The following PXK variants were observed in gnomAD, a reference collection of about 807,000 sequenced individuals.
PXK encodes PX domain containing serine/threonine kinase like.
A neutral mutation model predicts 84.7 loss-of-function variants in PXK; 35 were observed. The ratio of observed to expected loss-of-function variants is 0.41; its 90% CI spans 0.32 to 0.55. The LOEUF is 0.55. Ranked by LOEUF, PXK falls within the 20% of genes least tolerant of loss-of-function variation. The pLI, the probability that PXK is intolerant of heterozygous loss-of-function variation, is 0.21. For missense variants in PXK, 634 were observed against 699.7 expected (o/e 0.91, Z 1.06); for synonymous variants, 253 against 260.8 (o/e 0.97, Z 0.29).
chr3:58,382,506 T>TG lies in PXK; in HGVS notation c.202-8_202-7insG, dbSNP rs2098512954. 1 of 1,519,508 alleles carries TG rather than the reference T, an allele frequency of 6.6e-7. No homozygotes were observed. The highest frequency in any genetic ancestry group is 1.3e-5 in the South Asian group (1 of 75,830). The allele number at this position is 1,519,508 out of a possible 1,614,324, so 94.1% of individuals were successfully genotyped here. A position where few individuals can be genotyped will look rare whatever the true frequency, so the allele number is the denominator to read the frequency against. On this transcript the variant is annotated splice_polypyrimidine_tract_variant and splice_region_variant and intron_variant, in intron 3 of 17. Coordinates refer to ENST00000356151, the MANE Select transcript of PXK (RefSeq NM_017771.5). ...CATGAGTGTAACTTTTTTTTTTTTT[T>TG]TTTAAAGATTGCAGGCCTAAGTCTA...
chr3:58,421,732 T>G lies in PXK; in HGVS notation c.1529-3020T>G, dbSNP rs145079964. 4.5e-5 allele frequency: 44 copies of G among 985,438 alleles called. No homozygotes were observed. In the African/African-American group the frequency reaches 7.3e-4, roughly 16 times the overall value. The allele number at this position is 985,438 out of a possible 1,614,324, so 61.0% of individuals were successfully genotyped here. ...ACAGGGCCTCTGCTGGACTGCCAGG[T>G]TCCCGTGTGGTTTGGTGGAGAAGAT... On this transcript the variant is annotated intron_variant, in intron 17 of 17. Transcript: ENST00000356151. The surrounding 1 kb of genome is among the most constrained non-coding windows in gnomAD (Gnocchi z 5.5).
intron 17 of PXK, chr3:58,422,346 T>A (rs1444979159): frequency 1.0e-6 from 1 of 985,202 alleles, no homozygotes; most frequent in Non-Finnish European, 1.2e-6. Flanking sequence ...AGAGCCACCA[T>A]GGTTGTTGTA....
rs1282014311 is a variant in PXK at position 58,364,356 on chromosome 3, G to A, written c.103-1518G>A. On this transcript the variant is annotated intron_variant, in intron 1 of 17. Coordinates refer to ENST00000356151, the MANE Select transcript of PXK (RefSeq NM_017771.5). This position sits in a 1 kb window ranked among gnomAD's most constrained non-coding sequence, Gnocchi z 4.3. The stretch of plus-strand genomic sequence containing the variant: ...AGTAGAATTCTCCAGTGAAACCATT[G>A]GGCCTTGATACATATTTGGCGGGGG... 1.3e-5 allele frequency among the ~76,000 whole-genome samples: 2 copies of A among 152,056 alleles called. No individual in the cohort carries two copies. Among genetic ancestry groups the A allele is most frequent in the Non-Finnish European group, 2.9e-5 (2 of 68,014 alleles).
rs140362386 is a variant in PXK at position 58,399,394 on chromosome 3, C to T, written c.1181+17C>T. The T allele has an allele frequency of 1.2e-4, 188 of 1,599,974 alleles. 2 individuals carry two copies. The East Asian group carries it at 3.1e-3, about 27-fold the overall frequency. On this transcript the variant is annotated intron_variant, in intron 12 of 17. Coordinates refer to ENST00000356151, the MANE Select transcript of PXK (RefSeq NM_017771.5). The surrounding 1 kb of genome is among the most constrained non-coding windows in gnomAD (Gnocchi z 4.3). ...ACAGATGCCGTAAGTCAATCATATGCGTTGGTTGTAATCTTGATAACTATG... is the reference window on the plus strand; with the variant it reads ...ACAGATGCCGTAAGTCAATCATATGTGTTGGTTGTAATCTTGATAACTATG...
At chr3:58,347,359 A>G (rs925881451) in intron 1 of PXK, among the ~76,000 whole-genome samples, 1 of 152,132 alleles carries the variant, frequency 6.6e-6, no homozygotes, top group African/African-American at 2.4e-5. Context: ...TCATCGCTCC[A>G]GTTGTTTCCT....
Position 58,424,992 on chromosome 3 carries a change from C to A in PXK, c.*32C>A. 1 of 1,611,248 alleles carries A rather than the reference C, an allele frequency of 6.2e-7. No individual in the cohort carries two copies. Among genetic ancestry groups the A allele is most frequent in the South Asian group, 1.1e-5 (1 of 90,570 alleles). ...CTGTTTACACTTGGAGGGAAAAGTT[C>A]TTTTTTATTCCTACTCACCCCTACC... is the stretch of plus-strand genomic sequence containing the variant. On this transcript the variant is annotated 3_prime_UTR_variant, in exon 18 of 18. Coordinates refer to ENST00000356151, the MANE Select transcript of PXK (RefSeq NM_017771.5).
chr3:58,369,501 T>C, intron 3 of PXK, 23 bp downstream of exon 3: 2 of 1,589,042 alleles, frequency 1.3e-6, no homozygotes, highest in Non-Finnish European at 1.7e-6. Flanking sequence ...AAATTCTAAT[T>C]ACACACATTG....
intron 1 of PXK, among the ~76,000 whole-genome samples, chr3:58,339,636 A>G (rs1474959299): frequency 6.6e-6 from 1 of 152,126 alleles, no homozygotes; most frequent in Non-Finnish European, 1.5e-5. Context: ...CGTAATAAGA[A>G]TATAAATCCG....
intron 1 of PXK, among the ~76,000 whole-genome samples, chr3:58,353,172 AT>A (rs1263865530): frequency 5.9e-5 from 9 of 151,710 alleles, no homozygotes; most frequent in East Asian, 3.9e-4. Context: ...AATTTTTTGT[AT>A]TTTTTAGTAG....
intron 1 of PXK, among the ~76,000 whole-genome samples, chr3:58,347,405 C>G (rs747559900): frequency 3.3e-5 from 5 of 152,182 alleles, no homozygotes; most frequent in Non-Finnish European, 7.4e-5. Context: ...TCCTTCTGGT[C>G]CCTGGGAACT....
intron 4 of PXK, among the ~76,000 whole-genome samples, chr3:58,388,945 C>A (rs1228549054): frequency 2.0e-5 from 3 of 151,934 alleles, no homozygotes; most frequent in African/African-American, 7.3e-5. Context: ...TTCCACAGTG[C>A]ATTTGGAGGA....
At position 58,421,059 on chromosome 3, in the gene PXK, G is replaced by A. The variant is rs943426960; in HGVS notation, c.1529-3693G>A. On this transcript the variant is annotated intron_variant, in intron 17 of 17. Coordinates refer to ENST00000356151, the MANE Select transcript of PXK (RefSeq NM_017771.5). The surrounding 1 kb of genome is among the most constrained non-coding windows in gnomAD (Gnocchi z 5.5). The stretch of plus-strand genomic sequence containing the variant: ...CCTTTATAATTCTCGAGCTGTGACA[G>A]GAGTACAGCCTCCTCACCTGCCTGA... 2 of 999,398 alleles carry A rather than the reference G, an allele frequency of 2.0e-6. No individual in the cohort carries two copies. The highest frequency in any genetic ancestry group is 2.4e-6 in the Non-Finnish European group (2 of 839,106). 61.9% of individuals were successfully genotyped at this position (999,398 alleles called of 1,614,324 possible). A position where few individuals can be genotyped will look rare whatever the true frequency, so the allele number is the denominator to read the frequency against.
chr3:58,424,903 A>G lies in PXK; in HGVS notation c.1680A>G (p.Gln560=), dbSNP rs560711877. The change falls in exon 18 of 18, where the codon CAA becomes CAG. Residue 560 remains glutamine (Q), a synonymous_variant. Coordinates refer to ENST00000356151, the MANE Select transcript of PXK (RefSeq NM_017771.5). Reference sequence around the variant, plus strand: ...TGCTCAGCTCCATCCAGAATTTCCAAAAAGGAACTTTGAGGAAAGCCAAAA... The same window carrying G: ...TGCTCAGCTCCATCCAGAATTTCCAGAAAGGAACTTTGAGGAAAGCCAAAA... ...GALLSSIQNF[Q]KGTLRKAKTC... 4.3e-6 allele frequency: 7 copies of G among 1,614,160 alleles called. No homozygotes were observed. The African/African-American group carries it at 8.0e-5, about 18-fold the overall frequency.
chr3:58,420,217 G>A (rs758372501), intron 17 of PXK, among the ~76,000 whole-genome samples: 1 of 152,178 alleles, frequency 6.6e-6, no homozygotes, highest in Non-Finnish European at 1.5e-5. Context: ...TGAAGTGAGC[G>A]TCATGCTTGT....
intron 1 of PXK, among the ~76,000 whole-genome samples, chr3:58,338,028 C>G (rs2097654065): frequency 1.3e-5 from 2 of 152,090 alleles, no homozygotes; most frequent in African/African-American, 4.8e-5. Context: ...CTTTAGAATT[C>G]TAAGTTATAC....
chr3:58,358,662 A>G (rs2098130504), intron 1 of PXK, among the ~76,000 whole-genome samples: 1 of 152,124 alleles, frequency 6.6e-6, no homozygotes, highest in Non-Finnish European at 1.5e-5. Context: ...CAGGACATTT[A>G]GCAGCATTCC....
chr3:58,413,019 G>A (rs2060439769), intron 17 of PXK, 56 bp downstream of exon 17: 2 of 1,574,820 alleles, frequency 1.3e-6, no homozygotes, highest in Non-Finnish European at 8.7e-7. Flanking sequence ...AGGAGGAGCG[G>A]GCTGTGCCTC....
intron 1 of PXK, among the ~76,000 whole-genome samples, chr3:58,350,799 A>T (rs1044894411): frequency 3.9e-5 from 6 of 152,196 alleles, no homozygotes; most frequent in Non-Finnish European, 8.8e-5. Flanking sequence ...TCTGCATGGC[A>T]TGTGTACTGT....
Position 58,364,869 on chromosome 3 carries a change from C to T in PXK, c.103-1005C>T, listed in dbSNP as rs756459703. Among the ~76,000 whole-genome samples, 3 of 152,110 alleles carry T rather than the reference C, an allele frequency of 2.0e-5. No individual in the cohort carries two copies. Among genetic ancestry groups the T allele is most frequent in the Non-Finnish European group, 4.4e-5 (3 of 68,018 alleles). ...TTCCCTTATCCATTTGATATCTGCA[C>T]AGTCTGTAGTGGTATCCTAATTCAT... On this transcript the variant is annotated intron_variant, in intron 1 of 17. Coordinates refer to ENST00000356151, the MANE Select transcript of PXK (RefSeq NM_017771.5). This position sits in a 1 kb window ranked among gnomAD's most constrained non-coding sequence, Gnocchi z 4.3.
Sources: allele counts gnomAD v4.1 joint callset (sites outside exome capture counted in the v4.1 genomes callset), GRCh38; gene constraint gnomAD v4.1.1; non-coding constraint Gnocchi (gnomAD v3.1); transcripts MANE v1.5; gene names NCBI Gene and HGNC (gene_info 2026-07-23, HGNC 2026-07-21).